CGNL1: variants seen among roughly 807,000 people sequenced by gnomAD.
CGNL1 encodes the protein cingulin like 1.
In CGNL1, 132 loss-of-function variants were observed where a neutral mutation model predicts 141.2. That is an observed-to-expected ratio of 0.93 (90% CI 0.81 to 1.08). The LOEUF is 1.08. CGNL1 is among the 50% of genes least tolerant of loss of function. The probability of loss-of-function intolerance (pLI) is 0.00; values close to 1 mark genes in which losing one functional copy is unlikely to be tolerated. For synonymous variants in CGNL1, 690 were observed against 622.1 expected, an observed-to-expected ratio of 1.11 and a Z score of -1.63; for missense variants, 1,870 against 1,588.6, an observed-to-expected ratio of 1.18 and a Z score of -3.01.
intron 1 of CGNL1, among the ~76,000 whole-genome samples, chr15:57,386,402 T>C (rs1389133307): frequency 2.0e-5 from 3 of 152,232 alleles, no homozygotes; most frequent in African/African-American, 7.2e-5. Flanking sequence ...TCCTAAGGTA[T>C]GCCTTTTGAA....
At chr15:57,404,154 C>T (rs1461698870) in intron 1 of CGNL1, among the ~76,000 whole-genome samples, 1 of 152,184 alleles carries the variant, frequency 6.6e-6, no homozygotes, top group Non-Finnish European at 1.5e-5. Context: ...GCCCAGAAGC[C>T]AGGGATCTGG....
intron 8 of CGNL1, among the ~76,000 whole-genome samples, chr15:57,508,177 G>T (rs1261997079): frequency 2.7e-5 from 4 of 149,636 alleles, no homozygotes; most frequent in Admixed American, 2.7e-4. Context: ...ATTTATTTGT[G>T]CCCCTCCACC....
chr15:57,504,243 T>A (rs1228392327), intron 8 of CGNL1, among the ~76,000 whole-genome samples: 1 of 152,238 alleles, frequency 6.6e-6, no homozygotes, highest in East Asian at 1.9e-4. Flanking sequence ...CCACCCTGTA[T>A]GTCAGGTACT....
chr15:57,533,746 C>T (rs574417428), intron 14 of CGNL1, among the ~76,000 whole-genome samples: 1 of 152,312 alleles, frequency 6.6e-6, no homozygotes, highest in East Asian at 1.9e-4. Flanking sequence ...ACTTCTTTTT[C>T]CTTTCAACTG....
intron 8 of CGNL1, among the ~76,000 whole-genome samples, chr15:57,480,652 T>A (rs1429801956): frequency 6.6e-6 from 1 of 152,168 alleles, no homozygotes; most frequent in Admixed American, 6.5e-5. Flanking sequence ...TGGGCAGGAG[T>A]TTGAAGAGAT....
intron 3 of CGNL1, among the ~76,000 whole-genome samples, chr15:57,440,809 C>T (rs1162870456): frequency 2.0e-5 from 3 of 152,120 alleles, no homozygotes; most frequent in African/African-American, 7.2e-5. Flanking sequence ...TGAGTTCTTC[C>T]GTGCAATGTG....
intron 1 of CGNL1, among the ~76,000 whole-genome samples, chr15:57,402,238 G>T (rs1248386303): frequency 6.6e-6 from 1 of 152,156 alleles, no homozygotes; most frequent in Non-Finnish European, 1.5e-5. Context: ...TGTGAGAGCT[G>T]GTTGCTTAAA....
At position 57,409,037 on chromosome 15, in the gene CGNL1, TCACACA is replaced by T. The variant is rs59988268; in HGVS notation, c.-15-28917_-15-28912del. ...GCCTGGGTGAGACAGTGAGACTCTG[TCACACA>T]CACACACACACACACACACACACAC... On this transcript the variant is annotated intron_variant, in intron 1 of 18. Transcript: ENST00000281282. 6.9e-3 allele frequency among the ~76,000 whole-genome samples: 974 copies of T among 141,798 alleles called. 5 individuals carry two copies. Among genetic ancestry groups the T allele is most frequent in the African/African-American group, 0.023 (873 of 37,814 alleles). 93.0% of individuals were successfully genotyped at this position (141,798 alleles called of 152,430 possible). A position where few individuals can be genotyped will look rare whatever the true frequency, so the allele number is the denominator to read the frequency against.
intron 1 of CGNL1, among the ~76,000 whole-genome samples, chr15:57,416,467 A>G (rs1050862144): frequency 6.6e-6 from 1 of 151,942 alleles, no homozygotes; most frequent in Non-Finnish European, 1.5e-5. Flanking sequence ...TCTTCCTTCT[A>G]CTTAAGCCAG....
intron 1 of CGNL1, among the ~76,000 whole-genome samples, chr15:57,380,393 A>T (rs1264930315): frequency 6.6e-6 from 1 of 152,144 alleles, no homozygotes; most frequent in Non-Finnish European, 1.5e-5. Context: ...GGTAAACAGG[A>T]TAAGGTTCCT....
chr15:57,506,399 T>G (rs2064103489), intron 8 of CGNL1, among the ~76,000 whole-genome samples: 1 of 152,226 alleles, frequency 6.6e-6, no homozygotes, highest in Non-Finnish European at 1.5e-5. Context: ...CTTATAAATA[T>G]GATGTGAGGC....
chr15:57,383,220 AAG>A (rs1183165972), intron 1 of CGNL1, among the ~76,000 whole-genome samples: 12 of 151,928 alleles, frequency 7.9e-5, no homozygotes, highest in African/African-American at 2.7e-4. Context: ...AGTGAGAGAT[AAG>A]AGAGAGAGAG....
chr15:57,504,832 G>A (rs1209486093), intron 8 of CGNL1, among the ~76,000 whole-genome samples: 2 of 152,198 alleles, frequency 1.3e-5, no homozygotes, highest in Non-Finnish European at 2.9e-5. Flanking sequence ...TGTGCCTGGA[G>A]GAGAGAAGAA....
At chr15:57,421,882 A>G (rs1430963515) in intron 1 of CGNL1, among the ~76,000 whole-genome samples, 5 of 152,122 alleles carry the variant, frequency 3.3e-5, no homozygotes, top group African/African-American at 1.2e-4. Flanking sequence ...TCCCAGGCCT[A>G]AGTGAAAGGC....
chr15:57,521,840 G>T (rs1227625626), intron 10 of CGNL1, among the ~76,000 whole-genome samples: 10 of 152,164 alleles, frequency 6.6e-5, no homozygotes, highest in Admixed American at 6.5e-4. Context: ...GGAGGAGAAA[G>T]GCTGGGGGAT....
chr15:57,380,734 G>C (rs1214217066), intron 1 of CGNL1, among the ~76,000 whole-genome samples: 2 of 152,152 alleles, frequency 1.3e-5, no homozygotes, highest in African/African-American at 2.4e-5. Flanking sequence ...GGTGTCTTTT[G>C]CTTCTGGAGT....
In CGNL1 at chr15:57,438,921, T is replaced by A. The variant is rs1327932764; in HGVS notation, c.922T>A (p.Ser308Thr). 5 of 1,614,050 alleles carry A rather than the reference T, an allele frequency of 3.1e-6. No individual in the cohort carries two copies. The highest frequency in any genetic ancestry group is 3.3e-5 in the Admixed American group (2 of 60,002). The change falls in exon 2 of 19, where the codon TCT becomes ACT. Residue 308 changes from serine (S) to threonine (T), a missense_variant. Ser to Thr is a moderately conservative substitution (Grantham distance 58). Coordinates refer to ENST00000281282, the MANE Select transcript of CGNL1 (RefSeq NM_032866.5). ...ATCCACAACTCCCACGTCAGCCAAC[T>A]CTTTGTACAGGTTTTTACTGGATGA... ...SSSTTPTSAN[S>T]LYRFLLDDQE...
intron 7 of CGNL1, among the ~76,000 whole-genome samples, chr15:57,455,764 C>CAGTA (rs1595722643): frequency 1.3e-5 from 2 of 152,232 alleles, no homozygotes; most frequent in East Asian, 3.9e-4. Flanking sequence ...TATCTATTAA[C>CAGTA]TGAACATCAT....
intron 8 of CGNL1, among the ~76,000 whole-genome samples, chr15:57,511,454 T>C (rs1189489702): frequency 2.0e-5 from 3 of 152,222 alleles, no homozygotes; most frequent in African/African-American, 7.2e-5. Context: ...CATTTATATG[T>C]CATTTTGCAC....
Sources: gnomAD v4.1 joint callset for allele counts (sites outside exome capture counted in the v4.1 genomes callset) on GRCh38, gnomAD v4.1.1 for gene constraint, MANE v1.5 for transcripts, NCBI Gene and HGNC (gene_info 2026-07-23, HGNC 2026-07-21) for gene names.